PRTFDC1: variants seen among roughly 807,000 people sequenced by gnomAD.
The protein encoded by PRTFDC1 is phosphoribosyl transferase domain containing 1.
A neutral mutation model predicts 34.6 loss-of-function variants in PRTFDC1; 38 were observed. That is an observed-to-expected ratio of 1.10 (90% CI 0.85 to 1.44). PRTFDC1 has a LOEUF of 1.44. PRTFDC1 is among the 40% of genes most tolerant of loss of function. The probability of loss-of-function intolerance (pLI) is 0.00; values close to 1 mark genes in which losing one functional copy is unlikely to be tolerated. For missense variants in PRTFDC1, 270 were observed against 283.0 expected, an observed-to-expected ratio of 0.95 and a Z score of 0.33; for synonymous variants, 93 against 98.1, an observed-to-expected ratio of 0.95 and a Z score of 0.31.
intron 4 of PRTFDC1, among the ~76,000 whole-genome samples, chr10:24,869,618 T>G (rs1847842568): frequency 6.6e-6 from 1 of 152,218 alleles, no homozygotes; most frequent in Non-Finnish European, 1.5e-5. Context: ...CAAGGCATAT[T>G]GGAAGGCCTT....
intron 1 of PRTFDC1, among the ~76,000 whole-genome samples, chr10:24,946,880 A>G (rs2132621305): frequency 6.6e-6 from 1 of 152,354 alleles, no homozygotes; most frequent in South Asian, 2.1e-4. Context: ...TCATGCCTGT[A>G]ATCCCAACAC....
intron 2 of PRTFDC1, among the ~76,000 whole-genome samples, chr10:24,941,485 A>G (rs2132614568): frequency 6.6e-6 from 1 of 152,154 alleles, no homozygotes; most frequent in East Asian, 1.9e-4. Flanking sequence ...CCTGGATTAC[A>G]GGTGCATGCC....
Position 24,952,593 on chromosome 10 carries a change from C to A in PRTFDC1, c.-18G>T. ...CCGGCCATGTTTCTCCCGGGGAACG[C>A]GGGAAGGGAAGACGGCGCGGGAAGG... On this transcript the variant is annotated 5_prime_UTR_variant, in exon 1 of 9. Coordinates refer to ENST00000320152, the MANE Select transcript of PRTFDC1 (RefSeq NM_020200.7). This position sits in a 1 kb window ranked among gnomAD's most constrained non-coding sequence, Gnocchi z 5.1. The A allele has an allele frequency of 7.3e-7, 1 of 1,369,806 alleles. No individual in the cohort carries two copies. The highest frequency in any genetic ancestry group is 9.7e-7 in the Non-Finnish European group (1 of 1,031,240). The allele number at this position is 1,369,806 out of a possible 1,614,324, so 84.9% of individuals were successfully genotyped here. A position where few individuals can be genotyped will look rare whatever the true frequency, so the allele number is the denominator to read the frequency against.
Position 24,858,410 on chromosome 10 carries a change from C to T in PRTFDC1, c.406-1G>A, listed in dbSNP as rs1000790803. Reference sequence around the variant, plus strand: ...AGCTTACCTCAACAATGAGAACATTCTGAAATAAACAAAACCCATATTTTA... The same window carrying T: ...AGCTTACCTCAACAATGAGAACATTTTGAAATAAACAAAACCCATATTTTA... On this transcript the variant is annotated splice_acceptor_variant, in intron 4 of 8. Transcript: ENST00000320152. LOFTEE classifies it high-confidence loss of function. 1.2e-6 allele frequency: 2 copies of T among 1,613,224 alleles called. No homozygotes were observed. Among genetic ancestry groups the T allele is most frequent in the African/African-American group, 1.3e-5 (1 of 74,882 alleles).
intron 4 of PRTFDC1, among the ~76,000 whole-genome samples, chr10:24,862,846 C>T (rs994375671): frequency 2.0e-5 from 3 of 152,034 alleles, no homozygotes; most frequent in African/African-American, 7.2e-5. Context: ...TTATGGTGAT[C>T]TGGGATCAGC....
rs761824359 is a variant in PRTFDC1 at position 24,872,077 on chromosome 10, G to GA, written c.340-15dup. On this transcript the variant is annotated splice_polypyrimidine_tract_variant and intron_variant, in intron 3 of 8. Coordinates refer to ENST00000320152, the MANE Select transcript of PRTFDC1 (RefSeq NM_020200.7). Reference sequence around the variant, plus strand: ...GGACTGGTCATTCTGCAAAAAAGAAGAAAAAAAAGGGAGACAATTTTACCG... The same window carrying GA: ...GGACTGGTCATTCTGCAAAAAAGAAGAAAAAAAAAGGGAGACAATTTTACCG... The GA allele has an allele frequency of 3.9e-5, 61 of 1,583,000 alleles. No individual in the cohort carries two copies. The highest frequency in any genetic ancestry group is 2.9e-4 in the East Asian group (13 of 44,592).
At chr10:24,851,291 C>G (rs1276271636) in intron 8 of PRTFDC1, 97 bp downstream of exon 8, 2 of 1,486,042 alleles carry the variant, frequency 1.3e-6, no homozygotes, top group African/African-American at 2.8e-5. Flanking sequence ...AGAAGATACT[C>G]AATCAATAGC....
intron 8 of PRTFDC1, 39 bp downstream of exon 8, chr10:24,851,349 T>G (rs1401742124): frequency 1.3e-6 from 2 of 1,584,934 alleles, no homozygotes; most frequent in Non-Finnish European, 1.7e-6. Flanking sequence ...GTTAAGTTCT[T>G]ATAAAAAGGG....
chr10:24,856,703 G>A (rs1847583260), intron 6 of PRTFDC1, among the ~76,000 whole-genome samples: 1 of 152,236 alleles, frequency 6.6e-6, no homozygotes, highest in East Asian at 1.9e-4. Flanking sequence ...GAGGAACTCA[G>A]AAACACGGCA....
chr10:24,878,187 C>T (rs565732844), intron 3 of PRTFDC1, among the ~76,000 whole-genome samples: 1 of 151,850 alleles, frequency 6.6e-6, no homozygotes, highest in African/African-American at 2.4e-5. Flanking sequence ...GTGGGAGAAT[C>T]GCTTGAACCT....
chr10:24,877,303 G>A (rs934498154), intron 3 of PRTFDC1, among the ~76,000 whole-genome samples: 4 of 151,940 alleles, frequency 2.6e-5, no homozygotes, highest in Admixed American at 2.6e-4. Context: ...CCAATCGTTG[G>A]GATTATGGCC....
At chr10:24,860,723 C>A (rs542983268) in intron 4 of PRTFDC1, among the ~76,000 whole-genome samples, 1 of 152,112 alleles carries the variant, frequency 6.6e-6, no homozygotes, top group African/African-American at 2.4e-5. Context: ...CCTTCTCTAA[C>A]AAAAAATACA....
At position 24,946,906 on chromosome 10, in the gene PRTFDC1, T is replaced by G. The variant is rs533723702; in HGVS notation, c.49-4470A>C. Among the ~76,000 whole-genome samples, 4 of 152,236 alleles carry G rather than the reference T, an allele frequency of 2.6e-5. No individual in the cohort carries two copies. In the East Asian group the frequency reaches 7.7e-4, roughly 29 times the overall value. On this transcript the variant is annotated intron_variant, in intron 1 of 8. Transcript: ENST00000320152. ...ATCCCAACACTTTGGGAGGCTGAAG[T>G]GGGAGGATCACTTGAGCCCAAGAGT...
Position 24,952,382 on chromosome 10 carries a change from G to A in PRTFDC1, c.48+146C>T. 1 of 923,220 alleles carries A rather than the reference G, an allele frequency of 1.1e-6. No homozygotes were observed. Among genetic ancestry groups the A allele is most frequent in the Non-Finnish European group, 1.7e-6 (1 of 594,008 alleles). The allele number at this position is 923,220 out of a possible 1,614,324, so 57.2% of individuals were successfully genotyped here. Reference sequence around the variant, plus strand: ...GGGCGGGGAGAGGAGGCCCGGGTCCGAGGATGGAAGCGATCCCCGCCGGGA... The same window carrying A: ...GGGCGGGGAGAGGAGGCCCGGGTCCAAGGATGGAAGCGATCCCCGCCGGGA... On this transcript the variant is annotated intron_variant, in intron 1 of 8. Coordinates refer to ENST00000320152, the MANE Select transcript of PRTFDC1 (RefSeq NM_020200.7). The surrounding 1 kb of genome is among the most constrained non-coding windows in gnomAD (Gnocchi z 5.1).
At chr10:24,892,738 G>A (rs1208242564) in intron 3 of PRTFDC1, among the ~76,000 whole-genome samples, 1 of 151,972 alleles carries the variant, frequency 6.6e-6, no homozygotes, top group Non-Finnish European at 1.5e-5. Context: ...AGAGACTGGG[G>A]TATTTCACAA....
chr10:24,898,202 G>A (rs1848397874), intron 3 of PRTFDC1, among the ~76,000 whole-genome samples: 1 of 147,886 alleles, frequency 6.8e-6, no homozygotes, highest in African/African-American at 2.5e-5. Flanking sequence ...TGTAATCTCA[G>A]CACTCTGGGA....
At chr10:24,940,962 TA>T (rs1170004065) in intron 2 of PRTFDC1, among the ~76,000 whole-genome samples, 1 of 152,156 alleles carries the variant, frequency 6.6e-6, no homozygotes, top group African/African-American at 2.4e-5. Flanking sequence ...TGCCTGACCA[TA>T]AAAATTTACT....
At chr10:24,888,421 G>T (rs956679368) in intron 3 of PRTFDC1, among the ~76,000 whole-genome samples, 1 of 152,182 alleles carries the variant, frequency 6.6e-6, no homozygotes, top group African/African-American at 2.4e-5. Context: ...TATGTAAAGT[G>T]CTTTACCCAA....
intron 1 of PRTFDC1, 86 bp from the exon 2 acceptor site, chr10:24,942,522 A>G: frequency 9.2e-7 from 1 of 1,090,254 alleles, no homozygotes; most frequent in African/African-American, 1.5e-5. Flanking sequence ...TGAGAGGAGA[A>G]TTCCCTCAAC....
Sources: gnomAD v4.1 joint callset for allele counts (sites outside exome capture counted in the v4.1 genomes callset) on GRCh38, gnomAD v4.1.1 for gene constraint, Gnocchi (gnomAD v3.1) non-coding constraint, MANE v1.5 for transcripts, NCBI Gene and HGNC (gene_info 2026-07-23, HGNC 2026-07-21) for gene names.